SCN8A: variants seen among roughly 807,000 people sequenced by gnomAD.
SCN8A encodes the protein sodium voltage-gated channel alpha subunit 8, also known as sodium channel protein type 8 subunit alpha.
Under a neutral mutation model 184.1 loss-of-function variants are expected in SCN8A, and 30 were observed. That is an observed-to-expected ratio of 0.16 (90% CI 0.12 to 0.22). The LOEUF is 0.22. Ranked by LOEUF, SCN8A falls within the 10% of genes least tolerant of loss-of-function variation. The pLI, the probability that SCN8A is intolerant of heterozygous loss-of-function variation, is 1.00. For synonymous variants in SCN8A, 852 were observed against 907.0 expected, an observed-to-expected ratio of 0.94 and a Z score of 1.09; for missense variants, 1,057 against 2,498.9, an observed-to-expected ratio of 0.42 and a Z score of 12.30.
At chr12:51,763,913 C>T (rs950604669) in intron 15 of SCN8A, among the ~76,000 whole-genome samples, 5 of 152,172 alleles carry the variant, frequency 3.3e-5, no homozygotes, top group Non-Finnish European at 7.3e-5. Context: ...AAAAGTGAAA[C>T]TATTTGTAAA....
At position 51,808,740 on chromosome 12, in the gene SCN8A, TCGATAC is replaced by T. The variant is rs1938795286; in HGVS notation, c.*1314_*1319del. On this transcript the variant is annotated 3_prime_UTR_variant, in exon 27 of 27. Transcript: ENST00000627620. ...CATTGTGGCTTTCTCCAGGCATGGG[TCGATAC>T]CGCGAGGGGTTCAGATATTCTGAAC... 6.6e-6 allele frequency: 1 copy of T among 152,074 alleles called. No individual in the cohort carries two copies. The highest frequency in any genetic ancestry group is 1.9e-4 in the East Asian group (1 of 5,170). The allele number at this position is 152,074 out of a possible 1,614,324, so 9.4% of individuals were successfully genotyped here.
At chr12:51,708,453 C>G (rs558213236) in intron 11 of SCN8A, among the ~76,000 whole-genome samples, 1 of 152,298 alleles carries the variant, frequency 6.6e-6, no homozygotes, top group South Asian at 2.1e-4. Context: ...AAATCTAATT[C>G]TTAGGCCATT....
intron 1 of SCN8A, among the ~76,000 whole-genome samples, chr12:51,630,318 A>G (rs918941799): frequency 2.6e-5 from 4 of 151,934 alleles, no homozygotes; most frequent in Non-Finnish European, 5.9e-5. Flanking sequence ...TGCTATCTCT[A>G]TGGATCGACC....
At chr12:51,652,161 A>G (rs1200035480) in intron 1 of SCN8A, among the ~76,000 whole-genome samples, 5 of 151,898 alleles carry the variant, frequency 3.3e-5, no homozygotes, top group African/African-American at 4.8e-5. Context: ...AACACTCTGC[A>G]TCACATCTTA....
intron 11 of SCN8A, among the ~76,000 whole-genome samples, chr12:51,710,888 A>G (rs550994108): frequency 6.6e-6 from 1 of 152,280 alleles, no homozygotes; most frequent in South Asian, 2.1e-4. Flanking sequence ...TACTCTACAT[A>G]TACTCTGTGT....
intron 6 of SCN8A, among the ~76,000 whole-genome samples, chr12:51,698,922 G>T (rs990231280): frequency 6.6e-6 from 1 of 152,096 alleles, no homozygotes; most frequent in African/African-American, 2.4e-5. Context: ...TAACCTGGAG[G>T]CCTCCTCAAT....
At chr12:51,758,127 G>A (rs1942705395) in intron 14 of SCN8A, among the ~76,000 whole-genome samples, 1 of 152,118 alleles carries the variant, frequency 6.6e-6, no homozygotes, top group South Asian at 2.1e-4. Context: ...TTGCTTTCTA[G>A]CCTGGCTAGA....
chr12:51,770,482 G>T, intron 18 of SCN8A, 47 bp from the exon 19 acceptor site: 1 of 1,514,850 alleles, frequency 6.6e-7, no homozygotes, highest in South Asian at 1.3e-5. Flanking sequence ...GCAGGTCTGG[G>T]CGGGGCACGT....
chr12:51,746,103 C>A, intron 13 of SCN8A, 68 bp downstream of exon 13: 1 of 1,410,484 alleles, frequency 7.1e-7, no homozygotes, highest in Non-Finnish European at 9.5e-7. Flanking sequence ...TAAATATAAT[C>A]CCTGTCCCTT....
rs566601208 is a variant in SCN8A, at chr12:51,635,981, A to G, written c.-54-26783A>G. 2.0e-5 allele frequency among the ~76,000 whole-genome samples: 3 copies of G among 152,058 alleles called. No homozygotes were observed. The South Asian group carries it at 6.2e-4, about 32-fold the overall frequency. On this transcript the variant is annotated intron_variant, in intron 1 of 26. Coordinates refer to ENST00000627620, the MANE Select transcript of SCN8A (RefSeq NM_001330260.2). Reference sequence around the variant, plus strand: ...GCCTTTCCCCAAAGATAACTACTACACCCAGAGTTTTTGTTTTTGTTTGTT... The same window carrying G: ...GCCTTTCCCCAAAGATAACTACTACGCCCAGAGTTTTTGTTTTTGTTTGTT...
At chr12:51,655,311 G>A (rs1015753913) in intron 1 of SCN8A, among the ~76,000 whole-genome samples, 7 of 151,256 alleles carry the variant, frequency 4.6e-5, no homozygotes, top group Admixed American at 6.6e-5. Flanking sequence ...CTTTCATGCC[G>A]TATCCCTTAA....
intron 2 of SCN8A, among the ~76,000 whole-genome samples, chr12:51,664,114 T>A (rs1387189852): frequency 6.6e-6 from 1 of 151,714 alleles, no homozygotes; most frequent in African/African-American, 2.4e-5. Context: ...CACTGGGAAA[T>A]CTAGAAAGTT....
intron 1 of SCN8A, among the ~76,000 whole-genome samples, chr12:51,645,628 G>T (rs1279817631): frequency 1.3e-5 from 2 of 152,136 alleles, no homozygotes; most frequent in African/African-American, 4.8e-5. Context: ...TTCTGCCTTG[G>T]GATCCTGTTG....
chr12:51,807,246 A>C lies in SCN8A; in HGVS notation c.5760A>C (p.Thr1920=), dbSNP rs781617696. Reference sequence around the variant, plus strand: ...GGCGGGGCTTCATCTGCAAAAAGACAACTTCTAATAAGCTGGAGAATGGAG... The same window carrying C: ...GGCGGGGCTTCATCTGCAAAAAGACCACTTCTAATAAGCTGGAGAATGGAG... ...LARRGFICKK[T]TSNKLENGGT... is the part of the protein sequence containing the mutation. The change falls in exon 27 of 27, where the codon ACA becomes ACC. Residue 1920 remains threonine, a synonymous_variant. Transcript: ENST00000627620. The surrounding 1 kb of genome is among the most constrained non-coding windows in gnomAD (Gnocchi z 4.5). 8 of 1,613,988 alleles carry C rather than the reference A, an allele frequency of 5.0e-6. No individual in the cohort carries two copies. In the South Asian group the frequency reaches 7.7e-5, roughly 16 times the overall value.
intron 1 of SCN8A, among the ~76,000 whole-genome samples, chr12:51,605,966 G>A (rs989915311): frequency 6.6e-6 from 1 of 151,930 alleles, no homozygotes; most frequent in Non-Finnish European, 1.5e-5. Flanking sequence ...TTACTGATTT[G>A]TTTGAGTTCA....
At chr12:51,677,795 GTGCTGAAACACATTCAGTGGC>G (rs1481497945) in intron 2 of SCN8A, among the ~76,000 whole-genome samples, 2 of 152,310 alleles carry the variant, frequency 1.3e-5, no homozygotes, top group African/African-American at 4.8e-5. Flanking sequence ...AATGGACCTT[GTGCTGAAACACATTCAGTGGC>G]TGTTGTTGTA....
intron 6 of SCN8A, among the ~76,000 whole-genome samples, chr12:51,697,704 AC>A (rs1297124099): frequency 6.6e-6 from 1 of 152,192 alleles, no homozygotes; most frequent in African/African-American, 2.4e-5. Context: ...ATCTATTTAA[AC>A]CTAACAACAA....
At chr12:51,755,827 G>T (rs74091646) in intron 14 of SCN8A, among the ~76,000 whole-genome samples, 3,171 of 152,118 alleles carry the variant, frequency 0.021, 103 homozygotes, top group African/African-American at 0.069. Context: ...TTCTGTATTT[G>T]TAACTCCTGC....
intron 2 of SCN8A, among the ~76,000 whole-genome samples, chr12:51,666,291 A>C (rs1426799204): frequency 6.6e-6 from 1 of 152,186 alleles, no homozygotes; most frequent in Non-Finnish European, 1.5e-5. Context: ...TGTCTTCCAC[A>C]CAGGAATTTC....
Sources: allele counts gnomAD v4.1 joint callset (sites outside exome capture counted in the v4.1 genomes callset), GRCh38; gene constraint gnomAD v4.1.1; non-coding constraint Gnocchi (gnomAD v3.1); transcripts MANE v1.5; gene names NCBI Gene and HGNC (gene_info 2026-07-23, HGNC 2026-07-21).